RDX: variants seen among roughly 807,000 people sequenced by gnomAD.
RDX encodes deafness, autosomal recessive 24.
Under a neutral mutation model 83.7 loss-of-function variants are expected in RDX, and 32 were observed. The ratio of observed to expected loss-of-function variants is 0.38; its 90% CI spans 0.29 to 0.51. The LOEUF (loss-of-function observed/expected upper bound fraction) is 0.51. RDX is among the 20% of genes least tolerant of loss of function. The pLI is 0.87. For missense variants in RDX, 600 were observed against 689.9 expected (o/e 0.87, Z 1.46); for synonymous variants, 229 against 222.7 (o/e 1.03, Z -0.25).
chr11:110,279,924 TAAG>T (rs760442628), intron 1 of RDX, among the ~76,000 whole-genome samples, 168 bp from the exon 2 acceptor site: 4 of 152,250 alleles, frequency 2.6e-5, no homozygotes, highest in South Asian at 2.1e-4. Context: ...GCACATTCCC[TAAG>T]AAGACTGAAA....
chr11:110,248,998 C>T (rs1328192651), intron 9 of RDX, among the ~76,000 whole-genome samples: 3 of 152,152 alleles, frequency 2.0e-5, no homozygotes, highest in South Asian at 2.1e-4. Context: ...TTTAGCTGCA[C>T]CTGCCATGGG....
In RDX at chr11:110,272,013, C is replaced by G. The variant is rs1052430227; in HGVS notation, c.96+523G>C. 2.0e-5 allele frequency among the ~76,000 whole-genome samples: 3 copies of G among 152,180 alleles called. No individual in the cohort carries two copies. In the East Asian group the frequency reaches 5.8e-4, roughly 29 times the overall value. ...AAGGATTTTATAAAATTACCTTCAG[C>G]CTATGTGTATAAGTTGTACACAAAA... is the stretch of plus-strand genomic sequence containing the variant. On this transcript the variant is annotated intron_variant, in intron 3 of 13. Transcript: ENST00000645495.
At chr11:110,259,915 T>C (rs951589644) in intron 5 of RDX, among the ~76,000 whole-genome samples, 1 of 152,062 alleles carries the variant, frequency 6.6e-6, no homozygotes, top group Non-Finnish European at 1.5e-5. Flanking sequence ...TCAATTTCCA[T>C]ACCTGACATC....
intron 2 of RDX, among the ~76,000 whole-genome samples, chr11:110,279,407 T>C (rs1860660799): frequency 6.6e-6 from 1 of 152,092 alleles, no homozygotes; most frequent in South Asian, 2.1e-4. Context: ...GTGCCTGTAA[T>C]CCCAGCTACT....
chr11:110,178,462 C>T (rs1469250449), intron 15 of RDX, among the ~76,000 whole-genome samples: 5 of 152,110 alleles, frequency 3.3e-5, no homozygotes, highest in African/African-American at 7.2e-5. Flanking sequence ...AGGACTATGC[C>T]GTGGCTATTA....
intron 14 of RDX, among the ~76,000 whole-genome samples, chr11:110,204,157 T>A (rs4753880): frequency 1.3e-5 from 2 of 151,754 alleles, no homozygotes; most frequent in Non-Finnish European, 2.9e-5. Flanking sequence ...CTGAAAACTA[T>A]AATTATTTGC....
rs145318083 is a variant in RDX, at chr11:110,187,407, T to A, written c.*32-12173A>T. ...TCTCTTTGCTTCATGCCCAGGCAGA[T>A]CTCCAGGCATATAGAGCACCTTCCT... On this transcript the variant is annotated intron_variant, in intron 15 of 15. Coordinates refer to the RDX transcript ENST00000528498. Among the ~76,000 whole-genome samples the A allele has an allele frequency of 2.1e-3, 323 of 152,268 alleles. 5 individuals are homozygous for A. Among genetic ancestry groups the A allele is most frequent in the Admixed American group, 0.018 (268 of 15,288 alleles).
In RDX at chr11:110,263,993, C is replaced by G. The variant is rs758479232; in HGVS notation, c.434G>C (p.Gly145Ala). ...TAGGAGTCTATCATTAGCCAGGTAG[C>G]CTGGCTTATGAATCTCTTTATTGTA... is the stretch of plus-strand genomic sequence containing the variant. ...GDYNKEIHKP[G>A]YLANDRLLPQ... Residue 145 changes from glycine to alanine, a missense_variant, in exon 5 of 14, where the codon GGC becomes GCC. Coordinates refer to ENST00000645495, the MANE Select transcript of RDX (RefSeq NM_002906.4). The G allele has an allele frequency of 6.2e-7, 1 of 1,613,750 alleles. No individual in the cohort carries two copies. The highest frequency in any genetic ancestry group is 2.2e-5 in the East Asian group (1 of 44,878).
intron 14 of RDX, chr11:110,200,271 A>C (rs899855406): frequency 5.9e-5 from 9 of 153,178 alleles, no homozygotes; most frequent in South Asian, 2.0e-4. Context: ...CAAACCATGA[A>C]AACTACCTCC....
chr11:110,271,648 TCTC>T (rs1860315762), intron 3 of RDX, among the ~76,000 whole-genome samples: 3 of 152,062 alleles, frequency 2.0e-5, no homozygotes, highest in Admixed American at 6.6e-5. Flanking sequence ...CCAAGCACTG[TCTC>T]CTTTCCCTTT....
chr11:110,277,587 T>C (rs1305180057), intron 2 of RDX, among the ~76,000 whole-genome samples: 1 of 152,098 alleles, frequency 6.6e-6, no homozygotes, highest in Non-Finnish European at 1.5e-5. Context: ...CCCAAAGTAC[T>C]GGGATTACAG....
chr11:110,274,633 T>C (rs1392602425), intron 2 of RDX, among the ~76,000 whole-genome samples: 1 of 143,344 alleles, frequency 7.0e-6, no homozygotes, highest in Non-Finnish European at 1.5e-5. Context: ...CTGGGACTAC[T>C]GTTACTACAC....
chr11:110,181,036 A>C (rs1862876738), intron 15 of RDX, among the ~76,000 whole-genome samples: 1 of 152,126 alleles, frequency 6.6e-6, no homozygotes, highest in Non-Finnish European at 1.5e-5. Flanking sequence ...TGAGTGGACA[A>C]AACTGCTTCA....
In RDX at chr11:110,237,517, T is replaced by G; in HGVS notation, c.1226A>C (p.Asp409Ala). ...AKSAIAKQAA[D>A]QMKNQEQLAA... ...TAGCTGCTCCTGATTCTTCATCTGG[T>G]CGGCAGCTTGTTTTGCTATGGCAGA... Residue 409 changes from aspartate to alanine, a missense_variant, in exon 11 of 14, where the codon GAC becomes GCC. Transcript: ENST00000645495. 1 of 1,612,826 alleles carries G rather than the reference T, an allele frequency of 6.2e-7. No homozygotes were observed. The highest frequency in any genetic ancestry group is 8.5e-7 in the Non-Finnish European group (1 of 1,180,012).
At position 110,214,732 on chromosome 11, in the gene RDX, A is replaced by G. The variant is rs1272483139; in HGVS notation, c.1749-15054T>C. Among the ~76,000 whole-genome samples the G allele has an allele frequency of 3.6e-5, 3 of 82,584 alleles. 1 individual carries two copies. Among genetic ancestry groups the G allele is most frequent in the Non-Finnish European group, 7.6e-5 (3 of 39,610 alleles). 54.2% of individuals were successfully genotyped at this position (82,584 alleles called of 152,430 possible). On this transcript the variant is annotated intron_variant, in intron 14 of 15. Coordinates refer to the RDX transcript ENST00000528498. ...TGGAAATCATCATTCTCAGTAAACTATCGCAAGAACAAAAAACCAAACACC... is the reference window on the plus strand; with the variant it reads ...TGGAAATCATCATTCTCAGTAAACTGTCGCAAGAACAAAAAACCAAACACC...
intron 14 of RDX, among the ~76,000 whole-genome samples, chr11:110,201,901 TTTTG>T (rs749196293): frequency 8.2e-4 from 95 of 115,648 alleles, no homozygotes; most frequent in Non-Finnish European, 1.5e-3. Flanking sequence ...ATCCGGCTAA[TTTTG>T]TGTGTGTGTG....
chr11:110,284,521 T>C (rs540669861), intron 1 of RDX, among the ~76,000 whole-genome samples: 72 of 93,106 alleles, frequency 7.7e-4, no homozygotes, highest in African/African-American at 3.2e-3. Context: ...ACAGGTATTA[T>C]TATTATTTTT....
At chr11:110,206,323 T>C (rs1863603586) in intron 14 of RDX, among the ~76,000 whole-genome samples, 2 of 151,482 alleles carry the variant, frequency 1.3e-5, no homozygotes, top group Middle Eastern at 3.4e-3. Flanking sequence ...TGATAAATTG[T>C]AGTGCACTCA....
chr11:110,180,458 T>G (rs749971525), intron 15 of RDX, among the ~76,000 whole-genome samples: 1 of 152,130 alleles, frequency 6.6e-6, no homozygotes, highest in African/African-American at 2.4e-5. Flanking sequence ...TGGAGTCCCC[T>G]GTCACCAATC....
Sources: allele counts gnomAD v4.1 joint callset (sites outside exome capture counted in the v4.1 genomes callset), GRCh38; gene constraint gnomAD v4.1.1; transcripts MANE v1.5; gene names NCBI Gene and HGNC (gene_info 2026-07-23, HGNC 2026-07-21).